SMAD1: variants seen among roughly 807,000 people sequenced by gnomAD.
The protein encoded by SMAD1 is MAD, mothers against decapentaplegic homolog 1.
SMAD1 carries 6 observed loss-of-function variants against 41.6 expected under a neutral mutation model. The observed-to-expected ratio is 0.14, with a 90% CI of 0.08 to 0.28. The LOEUF (loss-of-function observed/expected upper bound fraction) is 0.28. Ranked by LOEUF, SMAD1 falls within the 10% of genes least tolerant of loss-of-function variation. SMAD1 has a pLI of 1.00. For synonymous variants in SMAD1, 206 were observed against 203.2 expected, an observed-to-expected ratio of 1.01 and a Z score of -0.12; for missense variants, 379 against 582.6, an observed-to-expected ratio of 0.65 and a Z score of 3.60.
intron 2 of SMAD1, among the ~76,000 whole-genome samples, chr4:145,528,605 A>G (rs1731162212): frequency 6.6e-6 from 1 of 152,244 alleles, no homozygotes; most frequent in African/African-American, 2.4e-5. Context: ...TGCATCAAAT[A>G]TAAACTCAGA....
At chr4:145,489,993 A>C (rs1237859204) in intron 1 of SMAD1, among the ~76,000 whole-genome samples, 9 of 152,216 alleles carry the variant, frequency 5.9e-5, no homozygotes, top group Admixed American at 5.2e-4. Flanking sequence ...AGATTCTAGA[A>C]GTAGGTTTGG....
chr4:145,513,545 A>G (rs1169371666), intron 1 of SMAD1, among the ~76,000 whole-genome samples: 1 of 152,046 alleles, frequency 6.6e-6, no homozygotes, highest in Non-Finnish European at 1.5e-5. Flanking sequence ...AAAGCAGGAG[A>G]TGTATTTCCT....
At chr4:145,510,134 G>A (rs1407054654) in intron 1 of SMAD1, among the ~76,000 whole-genome samples, 1 of 152,100 alleles carries the variant, frequency 6.6e-6, no homozygotes, top group African/African-American at 2.4e-5. Flanking sequence ...TGAGGCTAAC[G>A]ATTTCCCCAT....
At chr4:145,509,671 T>C (rs1729973019) in intron 1 of SMAD1, among the ~76,000 whole-genome samples, 1 of 152,308 alleles carries the variant, frequency 6.6e-6, no homozygotes, top group Admixed American at 6.5e-5. Context: ...AAAAAGTTCT[T>C]GTTCTTTTGC....
intron 2 of SMAD1, among the ~76,000 whole-genome samples, chr4:145,526,901 T>C (rs1184136487): frequency 2.0e-5 from 3 of 152,150 alleles, no homozygotes; most frequent in Admixed American, 6.6e-5. Context: ...CTCTTTGAGC[T>C]TGTGTTTGCT....
intron 1 of SMAD1, among the ~76,000 whole-genome samples, chr4:145,496,052 C>T (rs1333302858): frequency 6.6e-6 from 1 of 151,900 alleles, no homozygotes; most frequent in African/African-American, 2.4e-5. Flanking sequence ...CTTATAATGT[C>T]TTATTCTAAG....
At chr4:145,480,789 A>G (rs935378355), upstream of SMAD1, among the ~76,000 whole-genome samples, 10 of 152,336 alleles carry the variant, frequency 6.6e-5, no homozygotes, top group East Asian at 1.9e-3. Context: ...AGAATGATCA[A>G]CTGCGTCAAA....
chr4:145,556,897 C>T (rs746979004), intron 6 of SMAD1, among the ~76,000 whole-genome samples: 4 of 152,084 alleles, frequency 2.6e-5, no homozygotes, highest in Non-Finnish European at 5.9e-5. Flanking sequence ...AGGCTGGTTT[C>T]GAACTCCCGA....
At chr4:145,547,041 C>G in intron 5 of SMAD1, 117 bp downstream of exon 5, 1 of 789,824 alleles carries the variant, frequency 1.3e-6, no homozygotes, top group Non-Finnish European at 2.1e-6. Context: ...GTAATGTTCA[C>G]TTGCTGCAGT....
chr4:145,512,166 A>C (rs779087970), intron 1 of SMAD1, among the ~76,000 whole-genome samples: 2 of 152,278 alleles, frequency 1.3e-5, no homozygotes, highest in South Asian at 4.1e-4. Context: ...GTGCCTTTTT[A>C]AAGAGTTTCA....
chr4:145,494,723 A>G (rs1009425774), intron 1 of SMAD1, among the ~76,000 whole-genome samples: 3 of 152,174 alleles, frequency 2.0e-5, no homozygotes, highest in African/African-American at 7.2e-5. Context: ...GAATTTTTTC[A>G]TTTTGTTGTT....
Position 145,546,967 on chromosome 4 carries a change from G to A in SMAD1, c.997+43G>A, listed in dbSNP as rs780546548. ...CCTCTTTCAGATGTTTATCTGTTGT[G>A]TCCCTGTTCCTCCAGAGCTGACTTA... On this transcript the variant is annotated intron_variant, in intron 5 of 6. Coordinates refer to ENST00000302085, the MANE Select transcript of SMAD1 (RefSeq NM_005900.3). The A allele has an allele frequency of 4.8e-6, 7 of 1,458,458 alleles. No homozygotes were observed. In the East Asian group the frequency reaches 1.1e-4, roughly 24 times the overall value. 90.3% of individuals were successfully genotyped at this position (1,458,458 alleles called of 1,614,324 possible).
At chr4:145,554,825 T>C (rs17020321) in intron 6 of SMAD1, among the ~76,000 whole-genome samples, 27,171 of 152,104 alleles carry the variant, frequency 0.18, 5,441 homozygotes, top group African/African-American at 0.49. Flanking sequence ...TAAATTTCAT[T>C]CTCTCGTACT....
intron 2 of SMAD1, among the ~76,000 whole-genome samples, chr4:145,520,799 G>A (rs1560743809): frequency 6.6e-6 from 1 of 152,060 alleles, no homozygotes; most frequent in African/African-American, 2.4e-5. Flanking sequence ...TATTACGGAC[G>A]GGAATAATTG....
At chr4:145,534,773 CAG>C (rs1731519615) in intron 2 of SMAD1, among the ~76,000 whole-genome samples, 1 of 152,166 alleles carries the variant, frequency 6.6e-6, no homozygotes, top group Admixed American at 6.5e-5. Context: ...AAAGGGATCA[CAG>C]AGCTAAATAA....
At chr4:145,523,158 C>T (rs1057448813) in intron 2 of SMAD1, among the ~76,000 whole-genome samples, 6 of 152,166 alleles carry the variant, frequency 3.9e-5, no homozygotes, top group Non-Finnish European at 7.3e-5. Flanking sequence ...ACATTTAAAG[C>T]ACATGATAAA....
At chr4:145,530,346 A>G (rs978771184) in intron 2 of SMAD1, among the ~76,000 whole-genome samples, 2 of 152,232 alleles carry the variant, frequency 1.3e-5, no homozygotes, top group African/African-American at 4.8e-5. Context: ...TGAAACTAGC[A>G]GATGAAAACT....
intron 1 of SMAD1, among the ~76,000 whole-genome samples, chr4:145,506,472 A>G (rs1395873977): frequency 6.6e-6 from 1 of 152,172 alleles, no homozygotes; most frequent in Non-Finnish European, 1.5e-5. Context: ...ATTGAATAAT[A>G]CAATTATTCC....
intron 1 of SMAD1, among the ~76,000 whole-genome samples, chr4:145,505,616 C>CAA (rs542570974): frequency 1.0e-4 from 10 of 95,628 alleles, no homozygotes; most frequent in African/African-American, 1.9e-4. Flanking sequence ...AAGACTCTGT[C>CAA]AAAAAAAAAA....
Sources: gnomAD v4.1 joint callset for allele counts (sites outside exome capture counted in the v4.1 genomes callset) on GRCh38, gnomAD v4.1.1 for gene constraint, MANE v1.5 for transcripts, NCBI Gene and HGNC (gene_info 2026-07-23, HGNC 2026-07-21) for gene names.